The following ATF7IP2 variants were observed in gnomAD, a reference collection of about 807,000 sequenced individuals.
The protein encoded by ATF7IP2 is activating transcription factor 7-interacting protein 2.
A neutral mutation model predicts 64.2 loss-of-function variants in ATF7IP2; 42 were observed. The ratio of observed to expected loss-of-function variants is 0.65; its 90% CI spans 0.51 to 0.85. The LOEUF (loss-of-function observed/expected upper bound fraction) is 0.85. Among genes scored for constraint, ATF7IP2 ranks in the 40% least tolerant of loss-of-function variants. The pLI is 0.00. For missense variants in ATF7IP2, 933 were observed against 784.2 expected (o/e 1.19, Z -2.27); for synonymous variants, 308 against 272.8 (o/e 1.13, Z -1.27).
At chr16:10,434,853 A>G (rs1437062193) in intron 6 of ATF7IP2, among the ~76,000 whole-genome samples, 2 of 152,178 alleles carry the variant, frequency 1.3e-5, no homozygotes, top group Non-Finnish European at 2.9e-5. Context: ...ACTGGAGTGC[A>G]GTGGCACAGT....
At chr16:10,451,282 G>A (rs1037585692) in intron 8 of ATF7IP2, among the ~76,000 whole-genome samples, 23 of 152,154 alleles carry the variant, frequency 1.5e-4, no homozygotes, top group African/African-American at 5.1e-4. Context: ...TGAATCTGAC[G>A]ATTATGTGTC....
At chr16:10,443,257 C>A (rs914067276) in intron 8 of ATF7IP2, among the ~76,000 whole-genome samples, 1 of 152,170 alleles carries the variant, frequency 6.6e-6, no homozygotes, top group Non-Finnish European at 1.5e-5. Flanking sequence ...CAAATTTTCT[C>A]CCTGTCATGA....
chr16:10,437,022 A>ATT (rs71402484), intron 6 of ATF7IP2, among the ~76,000 whole-genome samples: 83 of 141,070 alleles, frequency 5.9e-4, no homozygotes, highest in East Asian at 8.2e-4. Context: ...TATTTTTCCC[A>ATT]TTTTTTTTTT....
intron 8 of ATF7IP2, 115 bp downstream of exon 8, chr16:10,440,577 T>C: frequency 1.6e-6 from 1 of 631,404 alleles, no homozygotes. Context: ...TAAGTAAGTT[T>C]TTACTTAGAG....
rs1220961722 is a variant in ATF7IP2, at chr16:10,472,060, C to A, written c.1353-50C>A. On this transcript the variant is annotated intron_variant, in intron 9 of 13. Coordinates refer to ENST00000562102, the MANE Select transcript of ATF7IP2 (RefSeq NM_001393719.1). ...CTAACCACTAATTGCATGTTTAAGCCTGATAATGCATGTTTAGTTTTTGTT... is the reference window on the plus strand; with the variant it reads ...CTAACCACTAATTGCATGTTTAAGCATGATAATGCATGTTTAGTTTTTGTT... The A allele has an allele frequency of 7.0e-6, 7 of 995,376 alleles. 1 individual carries two copies. The South Asian group carries it at 1.1e-4, about 15-fold the overall frequency. 61.7% of individuals were successfully genotyped at this position (995,376 alleles called of 1,614,324 possible). A position where few individuals can be genotyped will look rare whatever the true frequency, so the allele number is the denominator to read the frequency against.
At chr16:10,445,603 C>G (rs2048774328) in intron 8 of ATF7IP2, 1 of 152,416 alleles carries the variant, frequency 6.6e-6, no homozygotes, top group South Asian at 2.1e-4. Flanking sequence ...CTCCCAGGTT[C>G]AAGCAATTCT....
At chr16:10,413,454 C>G (rs779759277) in intron 1 of ATF7IP2, among the ~76,000 whole-genome samples, 3 of 152,128 alleles carry the variant, frequency 2.0e-5, no homozygotes, top group Non-Finnish European at 4.4e-5. Context: ...AACTGTAAGT[C>G]CAATTAAACC....
At chr16:10,397,754 G>C (rs2047447655) in intron 1 of ATF7IP2, among the ~76,000 whole-genome samples, 1 of 151,870 alleles carries the variant, frequency 6.6e-6, no homozygotes, top group South Asian at 2.1e-4. Flanking sequence ...CTACTCAGGA[G>C]GCTGAGGTGA....
intron 8 of ATF7IP2, among the ~76,000 whole-genome samples, chr16:10,455,869 G>C (rs1379596237): frequency 6.6e-6 from 1 of 152,184 alleles, no homozygotes; most frequent in East Asian, 1.9e-4. Flanking sequence ...AGGAGGAAAG[G>C]GGATTTGTGT....
intron 8 of ATF7IP2, among the ~76,000 whole-genome samples, chr16:10,452,287 C>T (rs1023072085): frequency 1.3e-5 from 2 of 152,218 alleles, no homozygotes; most frequent in African/African-American, 2.4e-5. Flanking sequence ...ATGTTGGTGA[C>T]CTTCGGATGG....
chr16:10,424,975 C>A (rs58718136), intron 3 of ATF7IP2, among the ~76,000 whole-genome samples: 1 of 151,756 alleles, frequency 6.6e-6, no homozygotes, highest in African/African-American at 2.4e-5. Flanking sequence ...CCAAATAATT[C>A]TACTGCTAGG....
intron 1 of ATF7IP2, among the ~76,000 whole-genome samples, chr16:10,395,666 A>G (rs1490377586): frequency 6.6e-6 from 1 of 152,216 alleles, no homozygotes; most frequent in Admixed American, 6.5e-5. Flanking sequence ...TGCCATATCA[A>G]AGAGAACAAA....
At chr16:10,402,938 T>C (rs1486427284) in intron 1 of ATF7IP2, among the ~76,000 whole-genome samples, 1 of 151,976 alleles carries the variant, frequency 6.6e-6, no homozygotes, top group Non-Finnish European at 1.5e-5. Context: ...AGTCTTGTTT[T>C]GTGGTCTAAT....
At chr16:10,454,404 A>C (rs1414811881) in intron 8 of ATF7IP2, 1 of 109,318 alleles carries the variant, frequency 9.1e-6, no homozygotes, top group African/African-American at 3.7e-5. Flanking sequence ...GTGAGACTCC[A>C]TCTCAAAAAA....
chr16:10,433,560 G>A lies in ATF7IP2; in HGVS notation c.871G>A (p.Glu291Lys), dbSNP rs765883753. ...AAAGAAGAGGATGTTTTCAGAAAAC[G>A]AGGAAAATGTTAAACGCATGAAAAC... Reference protein sequence around the residue: ...YQKKRMFSENEENVKRMKTSE... With the variant: ...YQKKRMFSENKENVKRMKTSE... The change falls in exon 6 of 14, where the codon GAG (glutamate) becomes AAG (lysine). Residue 291 changes from glutamate (E) to lysine (K), a missense_variant. Glu to Lys is a moderately conservative substitution (Grantham distance 56). Transcript: ENST00000562102. 4.3e-6 allele frequency: 7 copies of A among 1,613,162 alleles called. No individual in the cohort carries two copies. The highest frequency in any genetic ancestry group is 1.1e-5 in the South Asian group (1 of 91,034).
chr16:10,412,002 C>CTTTTTTTTTTTTTTTTT (rs1266034395), intron 1 of ATF7IP2, among the ~76,000 whole-genome samples: 4 of 13,406 alleles, frequency 3.0e-4, no homozygotes, highest in East Asian at 2.2e-3. Context: ...TTTCATTTAT[C>CTTTTTTTTTTTTTTTTT]TTTTTTTGTT....
intron 1 of ATF7IP2, among the ~76,000 whole-genome samples, chr16:10,396,532 C>T (rs2047422082): frequency 6.6e-6 from 1 of 152,004 alleles, no homozygotes; most frequent in Admixed American, 6.6e-5. Context: ...AGTTTGTTTT[C>T]TTTTTTTCGA....
At chr16:10,457,349 CT>C (rs2049206737) in intron 8 of ATF7IP2, 22 bp from the exon 9 acceptor site, 3 of 1,578,996 alleles carry the variant, frequency 1.9e-6, no homozygotes, top group East Asian at 2.3e-5. Context: ...CCTTCAACTG[CT>C]TTTTTCTCAC....
At chr16:10,473,149 T>C (rs567962146) in intron 10 of ATF7IP2, among the ~76,000 whole-genome samples, 2 of 152,344 alleles carry the variant, frequency 1.3e-5, no homozygotes, top group African/African-American at 4.8e-5. Flanking sequence ...CTCAGCCATG[T>C]CAGGCAGTTG....
Sources: allele counts gnomAD v4.1 joint callset (sites outside exome capture counted in the v4.1 genomes callset), GRCh38; gene constraint gnomAD v4.1.1; transcripts MANE v1.5; gene names NCBI Gene and HGNC (gene_info 2026-07-23, HGNC 2026-07-21).